Variants in RBFOX3 observed in about 807,000 individuals in gnomAD.
RBFOX3 encodes the protein RNA binding protein fox-1 homolog 3.
Under a neutral mutation model 48.7 loss-of-function variants are expected in RBFOX3, and 17 were observed. The ratio of observed to expected loss-of-function variants is 0.35; its 90% CI spans 0.24 to 0.52. The LOEUF is 0.52. RBFOX3 is among the 20% of genes least tolerant of loss of function. The pLI is 0.94. For synonymous variants in RBFOX3, 212 were observed against 209.5 expected (o/e 1.01, Z -0.10); for missense variants, 382 against 497.5 (o/e 0.77, Z 2.21).
intron 1 of RBFOX3, among the ~76,000 whole-genome samples, chr17:79,524,796 T>A (rs4789901): frequency 0.025 from 3,864 of 152,206 alleles, 81 homozygotes; most frequent in Admixed American, 0.065. Context: ...GAACATGGCA[T>A]CATGGGTGGG....
chr17:79,099,121 A>C (rs980346943), intron 9 of RBFOX3: 1 of 152,390 alleles, frequency 6.6e-6, no homozygotes, highest in Admixed American at 6.5e-5. Context: ...AGGAAGGAAG[A>C]AACTTTTTTT....
intron 3 of RBFOX3, among the ~76,000 whole-genome samples, chr17:79,297,938 G>A (rs954963179): frequency 1.3e-5 from 2 of 152,266 alleles, no homozygotes; most frequent in Non-Finnish European, 2.9e-5. Flanking sequence ...CAACGCGTGT[G>A]TCTGGGAAGA....
chr17:79,656,879 AGGAAGGAAGGAAGGAG>A, the RBFOX3 span, among the ~76,000 whole-genome samples: 27 of 140,570 alleles, frequency 1.9e-4, no homozygotes, highest in Non-Finnish European at 2.8e-4. Flanking sequence ...GAGGGAAGGA[AGGAAGGAAGGAAGGAG>A]GGAAGGAAGG....
rs541835308 is a variant in RBFOX3 at position 79,201,241 on chromosome 17, G to C, written c.-34+34525C>G. 3.9e-5 allele frequency among the ~76,000 whole-genome samples: 6 copies of C among 152,256 alleles called. No homozygotes were observed. In the East Asian group the frequency reaches 1.2e-3, roughly 29 times the overall value. On this transcript the variant is annotated intron_variant, in intron 4 of 14. Coordinates refer to ENST00000693108, the MANE Select transcript of RBFOX3 (RefSeq NM_001350451.2). ...TGGGCTGCTCTCTCCTGGTCTCCAG[G>C]TTGGAATAGATCTACTCTTATTGGC...
the RBFOX3 span, among the ~76,000 whole-genome samples, chr17:79,618,505 G>A: frequency 1.2e-4 from 18 of 152,186 alleles, no homozygotes; most frequent in Non-Finnish European, 2.2e-4. Context: ...GGGGAAGGAG[G>A]GCCGTGCTCA....
chr17:79,403,682 C>G (rs1161871668), intron 2 of RBFOX3, among the ~76,000 whole-genome samples: 1 of 152,172 alleles, frequency 6.6e-6, no homozygotes, highest in Non-Finnish European at 1.5e-5. Flanking sequence ...CCCCAGTACA[C>G]TGCCCCCTCA....
chr17:79,302,244 C>T (rs1444649941), intron 3 of RBFOX3, among the ~76,000 whole-genome samples: 3 of 152,174 alleles, frequency 2.0e-5, no homozygotes, highest in African/African-American at 2.4e-5. Flanking sequence ...ATCAGCAGCC[C>T]TTCAAGAAGC....
At chr17:79,665,039 G>A in the RBFOX3 span, among the ~76,000 whole-genome samples, 5 of 152,050 alleles carry the variant, frequency 3.3e-5, no homozygotes, top group African/African-American at 4.8e-5. Flanking sequence ...TCCATCTTTC[G>A]GCTGGGAAAT....
chr17:79,510,339 CCCA>C (rs2083934616), intron 1 of RBFOX3, among the ~76,000 whole-genome samples: 1 of 152,204 alleles, frequency 6.6e-6, no homozygotes, highest in Non-Finnish European at 1.5e-5. Flanking sequence ...CCGCTGCGCA[CCCA>C]CCGCCAGGTC....
intron 1 of RBFOX3, among the ~76,000 whole-genome samples, chr17:79,532,765 A>G (rs1243396113): frequency 6.6e-6 from 1 of 152,246 alleles, no homozygotes; most frequent in African/African-American, 2.4e-5. Flanking sequence ...CTGGGACACA[A>G]GCAAAGGCCA....
intron 1 of RBFOX3, among the ~76,000 whole-genome samples, chr17:79,516,783 G>A (rs1012579371): frequency 6.6e-6 from 1 of 152,244 alleles, no homozygotes; most frequent in Admixed American, 6.5e-5. Flanking sequence ...TGGACGCGAT[G>A]CGCTGGAACG....
At chr17:79,487,674 C>T (rs901607949) in intron 1 of RBFOX3, among the ~76,000 whole-genome samples, 48 of 152,082 alleles carry the variant, frequency 3.2e-4, no homozygotes, top group African/African-American at 8.9e-4. Context: ...CACTTTGGGA[C>T]GCTGAGGTGG....
At chr17:79,465,773 G>A (rs2076227933) in intron 2 of RBFOX3, among the ~76,000 whole-genome samples, 1 of 152,190 alleles carries the variant, frequency 6.6e-6, no homozygotes, top group African/African-American at 2.4e-5. Context: ...CCATGCTTCA[G>A]CCCCCGGTGG....
chr17:79,259,791 C>T (rs540941865), intron 3 of RBFOX3, among the ~76,000 whole-genome samples: 10 of 152,216 alleles, frequency 6.6e-5, no homozygotes, highest in East Asian at 1.9e-4. Flanking sequence ...TCACAGTAGC[C>T]GCAGGGGCTC....
At chr17:79,260,508 G>A (rs2065580677) in intron 3 of RBFOX3, among the ~76,000 whole-genome samples, 1 of 152,212 alleles carries the variant, frequency 6.6e-6, no homozygotes, top group South Asian at 2.1e-4. Context: ...CACGCCAATA[G>A]AGCAGAGATG....
intron 13 of RBFOX3, 60 bp downstream of exon 13, chr17:79,095,453 G>C: frequency 6.8e-7 from 1 of 1,466,834 alleles, no homozygotes; most frequent in Non-Finnish European, 9.3e-7. Context: ...CAGCTCCCCA[G>C]GGATCCTTGT....
chr17:79,227,573 G>A (rs542038048), intron 4 of RBFOX3, among the ~76,000 whole-genome samples: 13 of 152,364 alleles, frequency 8.5e-5, no homozygotes, highest in South Asian at 6.2e-4. Flanking sequence ...ACAGGGCCCC[G>A]CTCATTCCCG....
rs1163117535 is a variant in RBFOX3, at chr17:79,482,755, T to C, written c.-319-157A>G. Among the ~76,000 whole-genome samples the C allele has an allele frequency of 7.2e-5, 11 of 152,064 alleles. No individual in the cohort carries two copies. Among genetic ancestry groups the C allele is most frequent in the African/African-American group, 2.7e-4 (11 of 41,356 alleles). ...TCGAGGGATTGAGGGATCAGCACCC[T>C]CCAAAGGGCACTTTGCTTTTTATGC... On this transcript the variant is annotated intron_variant, in intron 1 of 14. Transcript: ENST00000693108. This position sits in a 1 kb window ranked among gnomAD's most constrained non-coding sequence, Gnocchi z 4.1.
chr17:79,583,824 C>T (rs1398231151), intron 1 of RBFOX3, among the ~76,000 whole-genome samples: 5 of 152,168 alleles, frequency 3.3e-5, no homozygotes, highest in East Asian at 3.8e-4. Context: ...CAGGAGGCCG[C>T]GGCCATGGTC....
Sources: gnomAD v4.1 joint callset for allele counts (sites outside exome capture counted in the v4.1 genomes callset) on GRCh38, gnomAD v4.1.1 for gene constraint, Gnocchi (gnomAD v3.1) non-coding constraint, MANE v1.5 for transcripts, NCBI Gene and HGNC (gene_info 2026-07-23, HGNC 2026-07-21) for gene names.